FGD1: variants seen among roughly 807,000 people sequenced by gnomAD.
The protein encoded by FGD1 is FYVE, RhoGEF and PH domain-containing protein 1.
Under a neutral mutation model 65.0 loss-of-function variants are expected in FGD1, and 12 were observed. That is an observed-to-expected ratio of 0.18 (90% CI 0.12 to 0.30). The LOEUF (loss-of-function observed/expected upper bound fraction) is 0.30, where lower values mean the gene tolerates loss of function less well. Among genes scored for constraint, FGD1 ranks in the 10% least tolerant of loss-of-function variants. FGD1 has a pLI of 1.00. For missense variants in FGD1, 542 were observed against 837.6 expected, an observed-to-expected ratio of 0.65 and a Z score of 4.36; for synonymous variants, 333 against 343.9, an observed-to-expected ratio of 0.97 and a Z score of 0.35.
chrX:54,475,582 T>TTTCAGAACTCCCTCTCCC (rs1208826286), intron 1 of FGD1, among the ~76,000 whole-genome samples: 1 of 111,637 alleles, frequency 9.0e-6, no homozygotes, highest in East Asian at 2.8e-4. Flanking sequence ...CTCCCTCTCG[T>TTTCAGAACTCCCTCTCCC]TTCAGAACTC....
intron 8 of FGD1, among the ~76,000 whole-genome samples, chrX:54,463,378 T>C (rs1922681982): frequency 1.8e-5 from 2 of 111,646 alleles, no homozygotes; most frequent in Non-Finnish European, 3.8e-5. Flanking sequence ...CACTCCACCC[T>C]AGTCCTCTCA....
intron 8 of FGD1, among the ~76,000 whole-genome samples, chrX:54,458,057 C>T (rs201181473): frequency 8.9e-6 from 1 of 112,281 alleles, no homozygotes; most frequent in East Asian, 2.8e-4. Context: ...TTGGTGCTCA[C>T]GGAGATCTAT....
chrX:54,470,538 A>G, intron 3 of FGD1, 45 bp downstream of exon 3: 1 of 1,186,076 alleles, frequency 8.4e-7, no homozygotes, highest in Non-Finnish European at 1.1e-6. Context: ...TTCCTGTCCC[A>G]GGCTCCCCCT....
At chrX:54,446,448 TG>T (rs1286650203) in intron 17 of FGD1, 34 bp from the exon 18 acceptor site, 1 of 1,174,707 alleles carries the variant, frequency 8.5e-7, no homozygotes, top group Admixed American at 2.3e-5. Context: ...GGGGCCACCT[TG>T]GGGCTAGACC....
chrX:54,493,235 T>C (rs1422889022), intron 1 of FGD1, among the ~76,000 whole-genome samples: 4 of 111,721 alleles, frequency 3.6e-5, no homozygotes, highest in Non-Finnish European at 7.5e-5. Context: ...TATGTGCTTC[T>C]TTAGTATCTG....
At chrX:54,475,017 G>A (rs1922987301) in intron 1 of FGD1, among the ~76,000 whole-genome samples, 1 of 112,067 alleles carries the variant, frequency 8.9e-6, no homozygotes, top group African/African-American at 3.2e-5. Context: ...TTCTCCTCCA[G>A]TGCTGGTCCT....
intron 16 of FGD1, among the ~76,000 whole-genome samples, chrX:54,448,186 AT>A (rs746743930): frequency 3.4e-3 from 347 of 102,640 alleles, no homozygotes; most frequent in African/African-American, 6.9e-3. Flanking sequence ...CAATTTTTAA[AT>A]TTTTTTTTTT....
At chrX:54,470,540 G>C (rs373782649) in intron 3 of FGD1, 43 bp downstream of exon 3, 5 of 1,186,725 alleles carry the variant, frequency 4.2e-6, no homozygotes, top group Non-Finnish European at 5.7e-6. Context: ...CCTGTCCCAG[G>C]CTCCCCCTTT....
At chrX:54,458,693 T>C (rs1412298172) in intron 8 of FGD1, among the ~76,000 whole-genome samples, 1 of 111,164 alleles carries the variant, frequency 9.0e-6, no homozygotes, top group Non-Finnish European at 1.9e-5. Flanking sequence ...CTTCCTCCAG[T>C]GAGCCTGCCC....
At chrX:54,462,155 C>T (rs1031090555) in intron 8 of FGD1, among the ~76,000 whole-genome samples, 1 of 111,469 alleles carries the variant, frequency 9.0e-6, no homozygotes. Flanking sequence ...GTCTGGAAGG[C>T]CCTTTCTAGA....
chrX:54,445,487 T>TA lies in FGD1; in HGVS notation c.*621dup, dbSNP rs562478629. 5,559 of 100,175 alleles carry TA rather than the reference T, an allele frequency of 0.055. 323 individuals are homozygous for TA. Among genetic ancestry groups the TA allele is most frequent in the African/African-American group, 0.17 (4,827 of 27,594 alleles). 8.3% of individuals were successfully genotyped at this position (100,175 alleles called of 1,213,427 possible). ...AGCCTGAAATAAACTGTATTTTTCT[T>TA]AAAAAAAAAAAAACACACAAAAAAA... On this transcript the variant is annotated 3_prime_UTR_variant, in exon 18 of 18. Coordinates refer to ENST00000375135, the MANE Select transcript of FGD1 (RefSeq NM_004463.3).
intron 12 of FGD1, among the ~76,000 whole-genome samples, chrX:54,450,958 A>T (rs755775606): frequency 3.6e-5 from 4 of 110,259 alleles, no homozygotes; most frequent in Non-Finnish European, 7.6e-5. Context: ...CTGAGGCATG[A>T]GAATCGCTTG....
Position 54,477,175 on chromosome X carries a change from G to A in FGD1, c.308-5688C>T, listed in dbSNP as rs753543118. Reference sequence around the variant, plus strand: ...AGCATACTCTAGGCACCCCAGGAGTGCCAGTGCACTGTGCCAGCTCTGCTG... The same window carrying A: ...AGCATACTCTAGGCACCCCAGGAGTACCAGTGCACTGTGCCAGCTCTGCTG... On this transcript the variant is annotated intron_variant, in intron 1 of 17. Coordinates refer to ENST00000375135, the MANE Select transcript of FGD1 (RefSeq NM_004463.3). 1.0e-3 allele frequency among the ~76,000 whole-genome samples: 118 copies of A among 112,709 alleles called. 1 individual carries two copies. Among genetic ancestry groups the A allele is most frequent in the Non-Finnish European group, 2.0e-3 (106 of 53,319 alleles).
At chrX:54,476,687 A>T (rs1483507060) in intron 1 of FGD1, among the ~76,000 whole-genome samples, 1 of 109,100 alleles carries the variant, frequency 9.2e-6, no homozygotes, top group Non-Finnish European at 1.9e-5. Context: ...AATCCACAAC[A>T]TTATCACACC....
At chrX:54,448,421 G>T (rs767880354) in intron 16 of FGD1, among the ~76,000 whole-genome samples, 1 of 110,993 alleles carries the variant, frequency 9.0e-6, no homozygotes, top group Admixed American at 9.6e-5. Flanking sequence ...CCCGACCTCC[G>T]GTGATTCACC....
chrX:54,447,341 G>A lies in FGD1; in HGVS notation c.2550C>T (p.Pro850=). The change falls in exon 17 of 18, where the codon CCC becomes CCT. Residue 850 remains proline, a synonymous_variant. Transcript: ENST00000375135. ...GGGCTCCGTAGATATACAGCACCAA[G>A]GGTTCATTTTCAGGGACCACGAACC... is the stretch of plus-strand genomic sequence containing the variant. ...KAWFVVPENE[P]LVLYIYGAPQ... is the part of the protein sequence containing the mutation. The A allele has an allele frequency of 8.3e-7, 1 of 1,211,936 alleles. No homozygotes were observed.
chrX:54,489,658 G>A (rs1221931612), intron 1 of FGD1, among the ~76,000 whole-genome samples: 1 of 111,714 alleles, frequency 9.0e-6, no homozygotes, highest in Non-Finnish European at 1.9e-5. Flanking sequence ...CACACCAGTC[G>A]GAATGGCTAT....
chrX:54,456,397 T>G, intron 9 of FGD1, 31 bp from the exon 10 acceptor site: 2 of 1,211,257 alleles, frequency 1.7e-6, no homozygotes, highest in Non-Finnish European at 2.2e-6. Flanking sequence ...AAAGGCACGG[T>G]TGGGGTGCCA....
intron 8 of FGD1, among the ~76,000 whole-genome samples, chrX:54,458,834 T>C (rs1439094258): frequency 8.9e-6 from 1 of 111,838 alleles, no homozygotes; most frequent in Non-Finnish European, 1.9e-5. Context: ...GACTACGAGC[T>C]CCCTAGGACA....
Sources: allele counts gnomAD v4.1 joint callset (sites outside exome capture counted in the v4.1 genomes callset), GRCh38; gene constraint gnomAD v4.1.1; transcripts MANE v1.5; gene names NCBI Gene and HGNC (gene_info 2026-07-23, HGNC 2026-07-21).